The following CRTAC1 variants were observed in gnomAD, a reference collection of about 807,000 sequenced individuals.
CRTAC1 encodes the protein acidic secreted protein in cartilage.
CRTAC1 carries 37 observed loss-of-function variants against 67.8 expected under a neutral mutation model. The observed-to-expected ratio is 0.55, with a 90% CI of 0.42 to 0.72. The LOEUF (loss-of-function observed/expected upper bound fraction) is 0.72. Among genes scored for constraint, CRTAC1 ranks in the 30% least tolerant of loss-of-function variants. CRTAC1 has a pLI of 0.00. For synonymous variants in CRTAC1, 348 were observed against 371.0 expected, an observed-to-expected ratio of 0.94 and a Z score of 0.71; for missense variants, 780 against 931.6, an observed-to-expected ratio of 0.84 and a Z score of 2.12.
chr10:97,908,173 A>C lies in CRTAC1; in HGVS notation c.716-26T>G, dbSNP rs1485279709. 3 of 1,612,652 alleles carry C rather than the reference A, an allele frequency of 1.9e-6. No individual in the cohort carries two copies. The East Asian group carries it at 6.7e-5, about 36-fold the overall frequency. On this transcript the variant is annotated intron_variant, in intron 5 of 14. Coordinates refer to ENST00000370597, the MANE Select transcript of CRTAC1 (RefSeq NM_018058.7). ...CTAGAAAAGACATCGACCCACAGTG[A>C]GTGGCAGAAGCAAGCCCCAGGCCCA... is the stretch of plus-strand genomic sequence containing the variant.
chr10:98,013,928 C>T (rs1047562427), intron 1 of CRTAC1, among the ~76,000 whole-genome samples: 11 of 152,150 alleles, frequency 7.2e-5, no homozygotes, highest in African/African-American at 2.7e-4. Flanking sequence ...CCCCATGAGA[C>T]CAGGGAGAGA....
At chr10:97,933,777 TGTG>T (rs2051039649) in intron 3 of CRTAC1, among the ~76,000 whole-genome samples, 1 of 152,196 alleles carries the variant, frequency 6.6e-6, no homozygotes. Flanking sequence ...GTAGGGTTGT[TGTG>T]GGGCTGAGCA....
chr10:97,874,770 C>A (rs1257679102), intron 14 of CRTAC1, among the ~76,000 whole-genome samples: 1 of 152,178 alleles, frequency 6.6e-6, no homozygotes, highest in Non-Finnish European at 1.5e-5. Flanking sequence ...ACCTTACCTA[C>A]TTTAAGTCTT....
chr10:98,006,465 G>A (rs554807929), intron 2 of CRTAC1, among the ~76,000 whole-genome samples: 6 of 152,172 alleles, frequency 3.9e-5, no homozygotes, highest in East Asian at 3.9e-4. Context: ...CCCCATCCCC[G>A]CAGAACAAAG....
chr10:97,933,417 C>T (rs1462081228), intron 3 of CRTAC1, among the ~76,000 whole-genome samples: 1 of 152,240 alleles, frequency 6.6e-6, no homozygotes, highest in African/African-American at 2.4e-5. Flanking sequence ...TCTTGACTTC[C>T]CTCAGTTGGC....
At chr10:98,000,923 A>G (rs1842674920) in intron 2 of CRTAC1, among the ~76,000 whole-genome samples, 1 of 152,232 alleles carries the variant, frequency 6.6e-6, no homozygotes, top group Non-Finnish European at 1.5e-5. Context: ...AACTTAAGCT[A>G]TACATAGGCT....
intron 2 of CRTAC1, among the ~76,000 whole-genome samples, chr10:97,995,124 T>A (rs1842536091): frequency 1.3e-5 from 2 of 152,214 alleles, no homozygotes; most frequent in African/African-American, 4.8e-5. Context: ...ACAGTTCATG[T>A]TTCTTTGCTT....
intron 11 of CRTAC1, among the ~76,000 whole-genome samples, chr10:97,886,630 A>AG (rs1216549145): frequency 7.0e-6 from 1 of 142,992 alleles, no homozygotes; most frequent in Non-Finnish European, 1.5e-5. Flanking sequence ...TGCCAACTAC[A>AG]GATTTTTTTT....
In CRTAC1 at chr10:97,865,496, C is replaced by T. The variant is rs1366153239; in HGVS notation, c.*52G>A. 1 of 1,559,026 alleles carries T rather than the reference C, an allele frequency of 6.4e-7. No homozygotes were observed. The highest frequency in any genetic ancestry group is 8.7e-7 in the Non-Finnish European group (1 of 1,146,700). On this transcript the variant is annotated 3_prime_UTR_variant, in exon 15 of 15. Transcript: ENST00000370597. ...CTGTCTAGGCAGCAGCACAAGCCCACTTTCCCACTCCCCTGCTGGACTCCA... is the reference window on the plus strand; with the variant it reads ...CTGTCTAGGCAGCAGCACAAGCCCATTTTCCCACTCCCCTGCTGGACTCCA...
At chr10:97,887,470 T>C (rs10883014) in intron 11 of CRTAC1, among the ~76,000 whole-genome samples, 64,037 of 152,038 alleles carry the variant, frequency 0.42, 13,791 homozygotes, top group Non-Finnish European at 0.45. Context: ...CTCGAACTCC[T>C]GACCTCAGGT....
chr10:97,981,804 C>T (rs374367963), intron 2 of CRTAC1, among the ~76,000 whole-genome samples: 65 of 152,304 alleles, frequency 4.3e-4, no homozygotes, highest in African/African-American at 1.5e-3. Context: ...GTATAATCTA[C>T]CTAACTTTTG....
In CRTAC1 at chr10:98,030,237, C is replaced by T. The variant is rs1243533315; in HGVS notation, c.24+212G>A. The stretch of plus-strand genomic sequence containing the variant: ...TCCGCCACCTCCAACCCGGCCGCCG[C>T]CTCACCCCCAGCCCGCGGGGGAGGC... On this transcript the variant is annotated intron_variant, in intron 1 of 14. Coordinates refer to ENST00000370597, the MANE Select transcript of CRTAC1 (RefSeq NM_018058.7). The surrounding 1 kb of genome is among the most constrained non-coding windows in gnomAD (Gnocchi z 4.2). 1.3e-5 allele frequency among the ~76,000 whole-genome samples: 2 copies of T among 150,768 alleles called. No homozygotes were observed. Among genetic ancestry groups the T allele is most frequent in the South Asian group, 2.1e-4 (1 of 4,754 alleles).
chr10:98,020,771 G>GCAGGGT (rs1363493942), intron 1 of CRTAC1, among the ~76,000 whole-genome samples: 1 of 152,230 alleles, frequency 6.6e-6, no homozygotes, highest in Non-Finnish European at 1.5e-5. Flanking sequence ...CGGGGCAGGG[G>GCAGGGT]CAGGACACCT....
intron 2 of CRTAC1, among the ~76,000 whole-genome samples, chr10:97,989,784 C>T (rs891045991): frequency 3.3e-5 from 5 of 152,170 alleles, no homozygotes; most frequent in Admixed American, 6.5e-5. Context: ...CTAGGTAACT[C>T]GTTCTAAGGT....
At chr10:97,876,958 T>G (rs1235419196) in intron 14 of CRTAC1, among the ~76,000 whole-genome samples, 1 of 141,878 alleles carries the variant, frequency 7.0e-6, no homozygotes, top group Non-Finnish European at 1.5e-5. Context: ...TTTTTTTTTT[T>G]TTTTTTTTTT....
At chr10:98,026,887 T>C (rs1362780310) in intron 1 of CRTAC1, among the ~76,000 whole-genome samples, 1 of 151,850 alleles carries the variant, frequency 6.6e-6, no homozygotes, top group Non-Finnish European at 1.5e-5. Context: ...GGGGAGATAA[T>C]AACAAAAGGG....
intron 9 of CRTAC1, 42 bp downstream of exon 9, chr10:97,896,867 C>T: frequency 1.9e-6 from 1 of 519,778 alleles, no homozygotes; most frequent in Non-Finnish European, 3.5e-6. Flanking sequence ...ATGAACAGTG[C>T]TAAGGGGGCA....
At chr10:98,001,475 C>T (rs189466454) in intron 2 of CRTAC1, among the ~76,000 whole-genome samples, 1 of 151,636 alleles carries the variant, frequency 6.6e-6, no homozygotes, top group Non-Finnish European at 1.5e-5. Flanking sequence ...TGTCTCTAGG[C>T]AAGGAAGAAC....
At chr10:97,948,757 G>A (rs937259128) in intron 2 of CRTAC1, among the ~76,000 whole-genome samples, 1 of 152,160 alleles carries the variant, frequency 6.6e-6, no homozygotes, top group African/African-American at 2.4e-5. Flanking sequence ...CCCGAGACTG[G>A]GTAATTTACG....
Sources: allele counts gnomAD v4.1 joint callset (sites outside exome capture counted in the v4.1 genomes callset), GRCh38; gene constraint gnomAD v4.1.1; non-coding constraint Gnocchi (gnomAD v3.1); transcripts MANE v1.5; gene names NCBI Gene and HGNC (gene_info 2026-07-23, HGNC 2026-07-21).